The following NME7 variants were observed in gnomAD, a reference collection of about 807,000 sequenced individuals.
NME7 encodes the protein NME/NM23 family member 7.
In NME7, 41 loss-of-function variants were observed where a neutral mutation model predicts 49.1. That is an observed-to-expected ratio of 0.83 (90% confidence interval 0.65 to 1.08). NME7 has a LOEUF of 1.08. Among genes scored for constraint, NME7 ranks in the 50% least tolerant of loss-of-function variants. NME7 has a pLI of 0.00. For synonymous variants in NME7, 139 were observed against 150.6 expected (o/e 0.92, Z 0.56); for missense variants, 423 against 463.4 (o/e 0.91, Z 0.80).
At chr1:169,178,970 GC>G (rs1659849221) in intron 10 of NME7, among the ~76,000 whole-genome samples, 1 of 151,978 alleles carries the variant, frequency 6.6e-6, no homozygotes, top group Non-Finnish European at 1.5e-5. Flanking sequence ...ACAGGCATGT[GC>G]CACCACACCC....
At chr1:169,151,461 T>C (rs1398912100) in intron 11 of NME7, among the ~76,000 whole-genome samples, 1 of 152,090 alleles carries the variant, frequency 6.6e-6, no homozygotes, top group Non-Finnish European at 1.5e-5. Flanking sequence ...TCTACAGAAC[T>C]TGACCTACTG....
chr1:169,158,167 G>A (rs1659135989), intron 11 of NME7, among the ~76,000 whole-genome samples: 1 of 152,068 alleles, frequency 6.6e-6, no homozygotes, highest in Admixed American at 6.5e-5. Context: ...TTATAAGTGG[G>A]GAATATGTTC....
intron 10 of NME7, among the ~76,000 whole-genome samples, chr1:169,179,533 C>T (rs1659864851): frequency 1.3e-5 from 2 of 152,182 alleles, no homozygotes; most frequent in Non-Finnish European, 1.5e-5. Flanking sequence ...ACACTATTCA[C>T]AATAGCAAAG....
At chr1:169,328,817 T>C (rs187297734) in intron 1 of NME7, among the ~76,000 whole-genome samples, 10 of 152,344 alleles carry the variant, frequency 6.6e-5, no homozygotes, top group Admixed American at 5.9e-4. Flanking sequence ...TGCACATTCA[T>C]CATTAGTTTT....
chr1:169,252,660 C>T (rs922230302), intron 7 of NME7, among the ~76,000 whole-genome samples: 2 of 151,878 alleles, frequency 1.3e-5, no homozygotes, highest in Non-Finnish European at 2.9e-5. Flanking sequence ...GAATGGTAAT[C>T]CCTAGGTTTT....
intron 10 of NME7, among the ~76,000 whole-genome samples, chr1:169,178,751 T>C (rs1245133420): frequency 6.6e-6 from 1 of 152,040 alleles, no homozygotes; most frequent in Admixed American, 6.5e-5. Context: ...TTTTCAGCTT[T>C]ACTGCTCTAT....
At chr1:169,149,744 TTGCATCA>T (rs1658857078) in intron 11 of NME7, among the ~76,000 whole-genome samples, 1 of 152,216 alleles carries the variant, frequency 6.6e-6, no homozygotes, top group Admixed American at 6.5e-5. Flanking sequence ...CAGCATGAGA[TTGCATCA>T]TGCTACTCAG....
chr1:169,194,819 T>C (rs10800410), intron 10 of NME7, among the ~76,000 whole-genome samples: 56,339 of 151,950 alleles, frequency 0.37, 11,030 homozygotes, highest in East Asian at 0.73. Context: ...AAGTACCTAA[T>C]CCAAAAGGAT....
intron 11 of NME7, among the ~76,000 whole-genome samples, chr1:169,167,688 A>G (rs2101841457): frequency 6.6e-6 from 1 of 152,246 alleles, no homozygotes; most frequent in East Asian, 1.9e-4. Flanking sequence ...TTTGTTTCAT[A>G]TTAGCTGTCT....
chr1:169,258,756 TTC>T (rs1168876362), intron 7 of NME7, among the ~76,000 whole-genome samples: 1 of 133,412 alleles, frequency 7.5e-6, no homozygotes, highest in Non-Finnish European at 1.8e-5. Context: ...CTCCATTTTC[TTC>T]TGTTATTCCC....
intron 7 of NME7, among the ~76,000 whole-genome samples, chr1:169,254,004 C>T (rs541334333): frequency 5.3e-5 from 8 of 150,890 alleles, no homozygotes; most frequent in Non-Finnish European, 1.0e-4. Flanking sequence ...TGTTCATCAA[C>T]GATATTGGTC....
intron 6 of NME7, among the ~76,000 whole-genome samples, chr1:169,298,166 C>T (rs888786819): frequency 5.9e-5 from 9 of 152,142 alleles, no homozygotes; most frequent in Admixed American, 5.9e-4. Context: ...GGATGTTAAG[C>T]TTGAAAGCAC....
intron 1 of NME7, among the ~76,000 whole-genome samples, chr1:169,329,869 AAAG>A (rs1652191870): frequency 6.6e-6 from 1 of 152,208 alleles, no homozygotes; most frequent in East Asian, 1.9e-4. Flanking sequence ...GATTTAATCC[AAAG>A]AAGACCACCT....
intron 7 of NME7, among the ~76,000 whole-genome samples, chr1:169,251,180 G>T (rs1400211380): frequency 6.6e-6 from 1 of 151,730 alleles, no homozygotes; most frequent in African/African-American, 2.4e-5. Flanking sequence ...ATAAATTTAG[G>T]AATATAATAT....
chr1:169,224,086 C>A (rs750130411), intron 10 of NME7, among the ~76,000 whole-genome samples: 8 of 152,202 alleles, frequency 5.3e-5, no homozygotes, highest in Non-Finnish European at 1.0e-4. Context: ...ATGCTCTTCT[C>A]ATCTCACACA....
chr1:169,229,000 T>A (rs1647474285), intron 10 of NME7, among the ~76,000 whole-genome samples: 2 of 152,336 alleles, frequency 1.3e-5, no homozygotes, highest in South Asian at 4.1e-4. Flanking sequence ...ATCAGGTCTG[T>A]CTCTTTCTAT....
chr1:169,214,166 C>T (rs1660910361), intron 10 of NME7, among the ~76,000 whole-genome samples: 1 of 152,232 alleles, frequency 6.6e-6, no homozygotes, highest in African/African-American at 2.4e-5. Context: ...CAAGATAAAA[C>T]GTAGGAAGAC....
At chr1:169,276,688 C>T (rs1036890865) in intron 7 of NME7, among the ~76,000 whole-genome samples, 1 of 133,176 alleles carries the variant, frequency 7.5e-6, no homozygotes, top group East Asian at 2.0e-4. Context: ...CTATTTCCTT[C>T]AGTTCTGCTC....
intron 10 of NME7, among the ~76,000 whole-genome samples, chr1:169,229,781 T>C (rs1369081430): frequency 6.6e-6 from 1 of 151,868 alleles, no homozygotes; most frequent in Non-Finnish European, 1.5e-5. Flanking sequence ...GCCAACAGGA[T>C]AAAACCCTGT....
Sources: gnomAD v4.1 joint callset for allele counts (sites outside exome capture counted in the v4.1 genomes callset) on GRCh38, gnomAD v4.1.1 for gene constraint, MANE v1.5 for transcripts, NCBI Gene and HGNC (gene_info 2026-07-23, HGNC 2026-07-21) for gene names.